The following LRP4 variants were observed in gnomAD, a reference collection of about 807,000 sequenced individuals.
LRP4 encodes the protein LDL receptor related protein 4.
Under a neutral mutation model 220.3 loss-of-function variants are expected in LRP4, and 95 were observed. The ratio of observed to expected loss-of-function variants is 0.43; its 90% CI spans 0.37 to 0.51. The LOEUF is 0.51. Among genes scored for constraint, LRP4 ranks in the 20% least tolerant of loss-of-function variants. The probability of loss-of-function intolerance (pLI) is 0.00; values close to 1 mark genes in which losing one functional copy is unlikely to be tolerated. For synonymous variants in LRP4, 903 were observed against 954.6 expected (o/e 0.95, Z 1.00); for missense variants, 1,925 against 2,567.0 (o/e 0.75, Z 5.40).
chr11:46,886,845 T>G (rs1189989075), intron 16 of LRP4, among the ~76,000 whole-genome samples: 1 of 152,220 alleles, frequency 6.6e-6, no homozygotes, highest in Non-Finnish European at 1.5e-5. Flanking sequence ...GCTTGCCCAC[T>G]GCCAACCCCT....
chr11:46,884,736 C>CAA lies in LRP4; in HGVS notation c.2507-762_2507-761dup, dbSNP rs71042633. ...TGGGGGACAGAGTGAGACTCCGTCT[C>CAA]AAAAAAAAAAAAAAAAAAAAAAAAA... On this transcript the variant is annotated intron_variant, in intron 18 of 37. Transcript: ENST00000378623. Among the ~76,000 whole-genome samples the CAA allele has an allele frequency of 6.1e-3, 250 of 40,740 alleles. 5 individuals are homozygous for CAA. The highest frequency in any genetic ancestry group is 8.4e-3 in the African/African-American group (95 of 11,302). The allele number at this position is 40,740 out of a possible 152,430, so 26.7% of individuals were successfully genotyped here. A position where few individuals can be genotyped will look rare whatever the true frequency, so the allele number is the denominator to read the frequency against.
chr11:46,918,223 G>T lies in LRP4; in HGVS notation c.52+105C>A. 1 of 1,249,716 alleles carries T rather than the reference G, an allele frequency of 8.0e-7. No individual in the cohort carries two copies. Among genetic ancestry groups the T allele is most frequent in the Non-Finnish European group, 1.1e-6 (1 of 907,228 alleles). 77.4% of individuals were successfully genotyped at this position (1,249,716 alleles called of 1,614,324 possible). On this transcript the variant is annotated intron_variant, in intron 1 of 37. Transcript: ENST00000378623. This position sits in a 1 kb window ranked among gnomAD's most constrained non-coding sequence, Gnocchi z 6.0. Reference sequence around the variant, plus strand: ...CAGCCCCAGGGCCACGGCTAGGAGCGAGGGCGAGGGGTCTCAGGCCCCGGC... The same window carrying T: ...CAGCCCCAGGGCCACGGCTAGGAGCTAGGGCGAGGGGTCTCAGGCCCCGGC...
Position 46,876,834 on chromosome 11 carries a change from G to A in LRP4, c.3278-4C>T, listed in dbSNP as rs370411574. 1.2e-6 allele frequency: 2 copies of A among 1,612,286 alleles called. No homozygotes were observed. The highest frequency in any genetic ancestry group is 1.7e-6 in the Non-Finnish European group (2 of 1,178,794). On this transcript the variant is annotated splice_region_variant and splice_polypyrimidine_tract_variant and intron_variant, in intron 23 of 37. Coordinates refer to ENST00000378623, the MANE Select transcript of LRP4 (RefSeq NM_002334.4). ...CTGTCAGACCAGTACACCTTTCCTG[G>A]AGAGGGAAAGCTTGGCTCAACCTAG...
intron 22 of LRP4, among the ~76,000 whole-genome samples, chr11:46,877,666 G>A (rs895057061): frequency 6.6e-6 from 1 of 151,956 alleles, no homozygotes; most frequent in East Asian, 1.9e-4. Flanking sequence ...ATGGGGTTTC[G>A]TCATATTGCC....
At chr11:46,859,927 G>A (rs1940496617) in intron 37 of LRP4, among the ~76,000 whole-genome samples, 1 of 152,028 alleles carries the variant, frequency 6.6e-6, no homozygotes, top group Non-Finnish European at 1.5e-5. Flanking sequence ...AGGTAAGACA[G>A]GGGACTCTAG....
At chr11:46,916,193 C>G (rs1046774796) in intron 1 of LRP4, among the ~76,000 whole-genome samples, 4 of 152,104 alleles carry the variant, frequency 2.6e-5, no homozygotes, top group Non-Finnish European at 4.4e-5. Flanking sequence ...AATACCAGCA[C>G]TTTGGGAGGC....
At position 46,918,348 on chromosome 11, in the gene LRP4, C is replaced by T; in HGVS notation, c.32G>A (p.Gly11Asp). ...CTTACCGTGTGCGCAGAGCAGGGCG[C>T]CAAGCAGCAGCGCGCCCCACTGCCG... is the stretch of plus-strand genomic sequence containing the variant. Reference protein sequence around the residue: MRRQWGALLLGALLCAHGLAS... With the variant: MRRQWGALLLDALLCAHGLAS... The change falls in exon 1 of 38, where the codon GGC becomes GAC. Residue 11 changes from glycine (G) to aspartate (D), a missense_variant. Transcript: ENST00000378623. This position sits in a 1 kb window ranked among gnomAD's most constrained non-coding sequence, Gnocchi z 6.0. 6.7e-7 allele frequency: 1 copy of T among 1,488,940 alleles called. No individual in the cohort carries two copies. 92.2% of individuals were successfully genotyped at this position (1,488,940 alleles called of 1,614,324 possible).
rs1940589667 is a variant in LRP4 at position 46,862,676 on chromosome 11, G to T, written c.5315C>A (p.Ser1772Tyr). 4 of 1,613,898 alleles carry T rather than the reference G, an allele frequency of 2.5e-6. No individual in the cohort carries two copies. The highest frequency in any genetic ancestry group is 3.4e-6 in the Non-Finnish European group (4 of 1,179,856). ...TGCTTCAATCTTCACTTCCTGTGTG[G>T]ATGTTCGGTAGGAGGGGTTGCTGTA... Reference protein sequence around the residue: ...LTYSNPSYRTSTQEVKIEAIP... With the variant: ...LTYSNPSYRTYTQEVKIEAIP... The change falls in exon 37 of 38, where the codon TCC becomes TAC. Residue 1772 changes from serine (S) to tyrosine (Y), a missense_variant. Transcript: ENST00000378623.
At chr11:46,871,465 A>C in intron 31 of LRP4, 60 bp downstream of exon 31, 1 of 1,172,456 alleles carries the variant, frequency 8.5e-7, no homozygotes, top group Non-Finnish European at 1.3e-6. Context: ...CTGCTGACTT[A>C]GAACCCCAAA....
At chr11:46,866,174 T>C (rs1360478738) in intron 34 of LRP4, among the ~76,000 whole-genome samples, 1 of 152,044 alleles carries the variant, frequency 6.6e-6, no homozygotes, top group Non-Finnish European at 1.5e-5. Flanking sequence ...GAAAAATGTC[T>C]AGAAAAGATA....
chr11:46,886,169 C>T lies in LRP4; in HGVS notation c.2428G>A (p.Val810Ile), dbSNP rs1246395979. The T allele has an allele frequency of 2.5e-6, 4 of 1,613,976 alleles. No homozygotes were observed. Among genetic ancestry groups the T allele is most frequent in the Non-Finnish European group, 3.4e-6 (4 of 1,179,860 alleles). ...GGGCTCTCCAAACTGGTATCCACTA[C>T]CACCTGGGCAGGAAGCAAAGCTGTA... ...AKWDGTGQEV[V>I]VDTSLESPAG... The change falls in exon 18 of 38, where the codon GTA (valine) becomes ATA (isoleucine). Residue 810 changes from valine to isoleucine, a missense_variant. Coordinates refer to ENST00000378623, the MANE Select transcript of LRP4 (RefSeq NM_002334.4).
chr11:46,912,941 T>C (rs1941887977), intron 1 of LRP4, among the ~76,000 whole-genome samples: 1 of 152,126 alleles, frequency 6.6e-6, no homozygotes, highest in African/African-American at 2.4e-5. Context: ...TCCCAGTCTT[T>C]TGTTTCCGGC....
At chr11:46,872,982 T>C (rs983019237) in intron 30 of LRP4, 118 bp downstream of exon 30, 1 of 1,367,942 alleles carries the variant, frequency 7.3e-7, no homozygotes, top group African/African-American at 1.4e-5. Flanking sequence ...TTCTCAATGA[T>C]TCCTCTTCCC....
In LRP4 at chr11:46,889,508, G is replaced by A. The variant is rs762032159; in HGVS notation, c.2118C>T (p.Asn706=). 1.1e-5 allele frequency: 17 copies of A among 1,613,890 alleles called. No homozygotes were observed. The highest frequency in any genetic ancestry group is 7.7e-5 in the South Asian group (7 of 91,082). Residue 706 remains asparagine, a synonymous_variant, in exon 16 of 38, where the codon AAC becomes AAT. Coordinates refer to ENST00000378623, the MANE Select transcript of LRP4 (RefSeq NM_002334.4). ...PAGKNRCGDN[N]GGCTHLCLPS... is the part of the protein sequence containing the mutation. ...GCAGACACAGGTGCGTGCAGCCTCC[G>A]TTGTTGTCCCCACAGCGGTTTTTCC...
chr11:46,857,326 G>A lies in LRP4; in HGVS notation c.*1657C>T, dbSNP rs1275651098. The A allele has an allele frequency of 6.6e-6, 1 of 152,190 alleles. No homozygotes were observed. The highest frequency in any genetic ancestry group is 1.9e-4 in the East Asian group (1 of 5,200). The allele number at this position is 152,190 out of a possible 1,614,324, so 9.4% of individuals were successfully genotyped here. ...TCTTAGAACTGACTAGAAAAGAATT[G>A]ATCTTGTCCTTTTTCACTTTGGTAG... On this transcript the variant is annotated 3_prime_UTR_variant, in exon 38 of 38. Coordinates refer to ENST00000378623, the MANE Select transcript of LRP4 (RefSeq NM_002334.4).
chr11:46,891,764 C>A (rs749077377), intron 13 of LRP4, among the ~76,000 whole-genome samples: 4 of 151,536 alleles, frequency 2.6e-5, no homozygotes, highest in Non-Finnish European at 4.4e-5. Flanking sequence ...TACAGGCATG[C>A]ATCAATAAGT....
intron 10 of LRP4, 79 bp downstream of exon 10, chr11:46,895,805 G>A: frequency 2.5e-6 from 4 of 1,586,208 alleles, no homozygotes; most frequent in South Asian, 1.1e-5. Context: ...TCAAATGCCT[G>A]ACCCATAGGA....
chr11:46,889,566 G>A (rs780952225), intron 15 of LRP4, 33 bp from the exon 16 acceptor site: 7 of 1,611,282 alleles, frequency 4.3e-6, no homozygotes, highest in East Asian at 2.2e-5. Flanking sequence ...GAGGATCAGC[G>A]AAGGTCTGCA....
chr11:46,864,133 T>C (rs903216534), intron 36 of LRP4, among the ~76,000 whole-genome samples: 4 of 152,228 alleles, frequency 2.6e-5, no homozygotes, highest in African/African-American at 9.6e-5. Context: ...AAAGCAAAGA[T>C]GTTAAGAGTC....
Sources: allele counts gnomAD v4.1 joint callset (sites outside exome capture counted in the v4.1 genomes callset), GRCh38; gene constraint gnomAD v4.1.1; non-coding constraint Gnocchi (gnomAD v3.1); transcripts MANE v1.5; gene names NCBI Gene and HGNC (gene_info 2026-07-23, HGNC 2026-07-21).